The following POPDC3 variants were observed in gnomAD, a reference collection of about 807,000 sequenced individuals.
The protein encoded by POPDC3 is popeye domain cAMP effector 3, also known as popeye domain-containing protein 3.
POPDC3 carries 20 observed loss-of-function variants against 28.2 expected under a neutral mutation model. The observed-to-expected ratio is 0.71, with a 90% CI of 0.50 to 1.03. The LOEUF is 1.03. POPDC3 is among the 50% of genes least tolerant of loss of function. The pLI is 0.00. For missense variants in POPDC3, 316 were observed against 345.9 expected (o/e 0.91, Z 0.69); for synonymous variants, 118 against 124.1 (o/e 0.95, Z 0.33).
At chr6:105,178,109 C>T (rs1276005936) in intron 1 of POPDC3, among the ~76,000 whole-genome samples, 1 of 152,232 alleles carries the variant, frequency 6.6e-6, no homozygotes, top group Non-Finnish European at 1.5e-5. Flanking sequence ...ATAATCCCAA[C>T]TGACCAATGA....
intron 3 of POPDC3, among the ~76,000 whole-genome samples, 162 bp downstream of exon 3, chr6:105,159,549 C>T (rs1414018073): frequency 6.6e-6 from 1 of 152,196 alleles, no homozygotes; most frequent in East Asian, 1.9e-4. Flanking sequence ...CATTAATCAT[C>T]AAGAGTCCAG....
intron 1 of POPDC3, among the ~76,000 whole-genome samples, chr6:105,179,356 G>T (rs1036367800): frequency 6.6e-6 from 1 of 152,120 alleles, no homozygotes; most frequent in African/African-American, 2.4e-5. Context: ...GAGTAGGGGG[G>T]AAGGAAACTC....
intron 1 of POPDC3, among the ~76,000 whole-genome samples, chr6:105,176,739 T>C (rs945482659): frequency 4.3e-4 from 66 of 152,072 alleles, no homozygotes; most frequent in African/African-American, 1.5e-3. Flanking sequence ...GTATTTTTAG[T>C]AGAGACACGG....
intron 1 of POPDC3, among the ~76,000 whole-genome samples, chr6:105,177,806 T>C (rs887759363): frequency 2.0e-5 from 3 of 152,240 alleles, no homozygotes; most frequent in Non-Finnish European, 4.4e-5. Flanking sequence ...CTGGAGGTTA[T>C]TATTCTGTTG....
At chr6:105,161,171 A>T (rs1212304486) in intron 2 of POPDC3, among the ~76,000 whole-genome samples, 1 of 152,218 alleles carries the variant, frequency 6.6e-6, no homozygotes, top group African/African-American at 2.4e-5. Context: ...CATATCACAT[A>T]AACAAATTCA....
intron 1 of POPDC3, among the ~76,000 whole-genome samples, chr6:105,171,851 T>A (rs1774584125): frequency 6.7e-6 from 1 of 150,228 alleles, no homozygotes; most frequent in South Asian, 2.1e-4. Flanking sequence ...ACTTATTTCG[T>A]TTATTTTATT....
chr6:105,173,697 C>T (rs1435200064), intron 1 of POPDC3, among the ~76,000 whole-genome samples: 1 of 152,108 alleles, frequency 6.6e-6, no homozygotes, highest in Non-Finnish European at 1.5e-5. Context: ...AAATCAGTTA[C>T]ATTTTAATCA....
At chr6:105,161,170 TAAAC>T (rs1360740436) in intron 2 of POPDC3, among the ~76,000 whole-genome samples, 2 of 152,234 alleles carry the variant, frequency 1.3e-5, no homozygotes, top group African/African-American at 4.8e-5. Context: ...TCATATCACA[TAAAC>T]AAATTCATAC....
intron 1 of POPDC3, among the ~76,000 whole-genome samples, chr6:105,167,061 T>A (rs1774471161): frequency 6.6e-6 from 1 of 151,612 alleles, no homozygotes; most frequent in Admixed American, 6.6e-5. Flanking sequence ...AAGCTTGGGA[T>A]AAGGCTTAAT....
intron 3 of POPDC3, 93 bp from the exon 4 acceptor site, chr6:105,158,844 G>T: frequency 1.1e-5 from 13 of 1,172,406 alleles, no homozygotes; most frequent in Non-Finnish European, 1.3e-5. Context: ...AATTTCACGT[G>T]CTGCCTTTTT....
intron 1 of POPDC3, among the ~76,000 whole-genome samples, chr6:105,174,308 G>T (rs1421093914): frequency 6.6e-6 from 1 of 152,214 alleles, no homozygotes; most frequent in African/African-American, 2.4e-5. Flanking sequence ...CAAAGTGCTA[G>T]AATTACAGGC....
chr6:105,175,956 T>C (rs1264524191), intron 1 of POPDC3, among the ~76,000 whole-genome samples: 1 of 152,150 alleles, frequency 6.6e-6, no homozygotes, highest in East Asian at 1.9e-4. Flanking sequence ...CCTCTGACTG[T>C]CTAAATTAAT....
chr6:105,162,623 T>C (rs1774363643), intron 1 of POPDC3, among the ~76,000 whole-genome samples: 2 of 152,154 alleles, frequency 1.3e-5, no homozygotes, highest in South Asian at 4.1e-4. Flanking sequence ...TCCCAGCTAC[T>C]CAGGATGCTG....
intron 1 of POPDC3, chr6:105,166,777 A>G (rs1342111340): frequency 2.9e-6 from 1 of 339,170 alleles, no homozygotes; most frequent in South Asian, 2.5e-5. Flanking sequence ...ACTGACCATT[A>G]TGTATATTTT....
intron 2 of POPDC3, 38 bp from the exon 3 acceptor site, chr6:105,159,857 G>C: frequency 7.3e-7 from 1 of 1,377,488 alleles, no homozygotes; most frequent in Non-Finnish European, 1.0e-6. Context: ...AAGGGAAGGA[G>C]AAAGAGAGCA....
At chr6:105,166,493 C>T (rs1774457938) in intron 1 of POPDC3, 1 of 457,330 alleles carries the variant, frequency 2.2e-6, no homozygotes, top group East Asian at 7.0e-5. Context: ...AAAGAGACAC[C>T]AGAACATTCC....
At chr6:105,163,408 G>A (rs1259811890) in intron 1 of POPDC3, among the ~76,000 whole-genome samples, 1 of 152,112 alleles carries the variant, frequency 6.6e-6, no homozygotes, top group Non-Finnish European at 1.5e-5. Context: ...CAGGATATAT[G>A]TATCATTTGC....
rs1490293064 is a variant in POPDC3 at position 105,158,632 on chromosome 6, G to A, written c.714C>T (p.Asp238=). ...TCAAGGCATAGAGTTTATCTGCAAT[G>A]TCACTGCCAATTAGCACTGAAAAAA... ...SRLFSVLIGS[D]IADKLYALND... The change falls in exon 4 of 4, where the codon GAC becomes GAT. Residue 238 remains aspartate, a synonymous_variant. Transcript: ENST00000254765. 6.2e-7 allele frequency: 1 copy of A among 1,613,964 alleles called. No homozygotes were observed. The highest frequency in any genetic ancestry group is 8.5e-7 in the Non-Finnish European group (1 of 1,179,992).
At chr6:105,167,469 G>A (rs763124434) in intron 1 of POPDC3, among the ~76,000 whole-genome samples, 1 of 152,166 alleles carries the variant, frequency 6.6e-6, no homozygotes, top group African/African-American at 2.4e-5. Flanking sequence ...AGAATAGGCT[G>A]GGCATGGTGG....
Sources: allele counts gnomAD v4.1 joint callset (sites outside exome capture counted in the v4.1 genomes callset), GRCh38; gene constraint gnomAD v4.1.1; transcripts MANE v1.5; gene names NCBI Gene and HGNC (gene_info 2026-07-23, HGNC 2026-07-21).